SYT14: variants seen among roughly 807,000 people sequenced by gnomAD.
SYT14 encodes the protein synaptotagmin 14.
A neutral mutation model predicts 74.2 loss-of-function variants in SYT14; 32 were observed. The observed-to-expected ratio is 0.43, with a 90% CI of 0.33 to 0.58. The LOEUF is 0.58. SYT14 is among the 20% of genes least tolerant of loss of function. SYT14 has a pLI of 0.05. For missense variants in SYT14, 791 were observed against 981.8 expected, an observed-to-expected ratio of 0.81 and a Z score of 2.60; for synonymous variants, 298 against 337.7, an observed-to-expected ratio of 0.88 and a Z score of 1.29.
chr1:209,945,247 A>G (rs1223156875), intron 1 of SYT14, among the ~76,000 whole-genome samples: 1 of 152,180 alleles, frequency 6.6e-6, no homozygotes, highest in Non-Finnish European at 1.5e-5. Flanking sequence ...TACTTACTCC[A>G]AAGGTTAAGT....
intron 4 of SYT14, among the ~76,000 whole-genome samples, chr1:210,018,449 G>A (rs561726967): frequency 6.6e-6 from 1 of 151,958 alleles, no homozygotes; most frequent in Non-Finnish European, 1.5e-5. Context: ...GCAGTTTTTT[G>A]ATTGTCAGAT....
At chr1:210,030,174 C>A (rs1398411833) in intron 5 of SYT14, among the ~76,000 whole-genome samples, 1 of 151,592 alleles carries the variant, frequency 6.6e-6, no homozygotes, top group Non-Finnish European at 1.5e-5. Flanking sequence ...TGGAGTCTCG[C>A]TCTATTGCCC....
chr1:209,961,093 C>T (rs1056780645), intron 2 of SYT14, among the ~76,000 whole-genome samples: 2 of 152,192 alleles, frequency 1.3e-5, no homozygotes, highest in Non-Finnish European at 2.9e-5. Context: ...TCTACACCCT[C>T]GGATTCTCCC....
chr1:209,976,161 G>T (rs2079359603), intron 2 of SYT14, among the ~76,000 whole-genome samples: 1 of 152,064 alleles, frequency 6.6e-6, no homozygotes. Flanking sequence ...CCAGCTCCTG[G>T]ATTCATTGAT....
chr1:210,158,647 C>T (rs1247736152), intron 8 of SYT14, among the ~76,000 whole-genome samples: 2 of 152,022 alleles, frequency 1.3e-5, no homozygotes, highest in African/African-American at 2.4e-5. Context: ...AACACAGAGT[C>T]GATGTTTCAG....
chr1:210,074,204 G>A (rs1401437040), intron 5 of SYT14, among the ~76,000 whole-genome samples: 1 of 152,088 alleles, frequency 6.6e-6, no homozygotes, highest in African/African-American at 2.4e-5. Context: ...TAAATTTACC[G>A]ACACTATGAA....
At chr1:210,037,396 C>T (rs1464782071) in intron 5 of SYT14, among the ~76,000 whole-genome samples, 1 of 151,682 alleles carries the variant, frequency 6.6e-6, no homozygotes, top group African/African-American at 2.4e-5. Context: ...TTGCATGATC[C>T]TTTGTAATTT....
intron 5 of SYT14, among the ~76,000 whole-genome samples, chr1:210,067,597 A>G (rs1000518774): frequency 2.7e-5 from 4 of 149,586 alleles, no homozygotes; most frequent in African/African-American, 1.0e-4. Flanking sequence ...CTCTCTCTAT[A>G]TATCACCATA....
chr1:209,981,970 A>G (rs2079495179), intron 2 of SYT14, among the ~76,000 whole-genome samples: 1 of 150,878 alleles, frequency 6.6e-6, no homozygotes, highest in African/African-American at 2.4e-5. Context: ...TTTCTATAGT[A>G]TCTTGTAGGT....
chr1:210,080,469 A>G (rs1297758224), intron 5 of SYT14, among the ~76,000 whole-genome samples: 1 of 152,128 alleles, frequency 6.6e-6, no homozygotes, highest in Non-Finnish European at 1.5e-5. Context: ...CGTACTCTTT[A>G]TTTTCTTAAT....
At chr1:209,941,805 G>T (rs1035948104) in intron 1 of SYT14, among the ~76,000 whole-genome samples, 2 of 152,152 alleles carry the variant, frequency 1.3e-5, no homozygotes, top group Non-Finnish European at 2.9e-5. Flanking sequence ...TGGTAACCGT[G>T]GGGGAGATTG....
intron 5 of SYT14, among the ~76,000 whole-genome samples, chr1:210,049,127 G>C (rs1243074680): frequency 6.6e-6 from 1 of 152,198 alleles, no homozygotes; most frequent in Non-Finnish European, 1.5e-5. Context: ...GAGTGTCTGC[G>C]GCTTTTCCAG....
intron 5 of SYT14, among the ~76,000 whole-genome samples, chr1:210,062,550 T>C (rs2081225330): frequency 6.6e-6 from 1 of 151,860 alleles, no homozygotes; most frequent in Non-Finnish European, 1.5e-5. Flanking sequence ...GCAGGAAGAT[T>C]TGATGCTTGT....
chr1:210,014,305 A>G (rs1163258249), intron 3 of SYT14, among the ~76,000 whole-genome samples: 1 of 152,046 alleles, frequency 6.6e-6, no homozygotes, highest in East Asian at 1.9e-4. Flanking sequence ...ATGATAAAAA[A>G]TAGTGTTCCA....
At chr1:209,938,353 G>A in intron 1 of SYT14, 76 bp downstream of exon 1, 1 of 1,452,536 alleles carries the variant, frequency 6.9e-7, no homozygotes, top group Admixed American at 2.1e-5. Flanking sequence ...GCGCCGGCAG[G>A]CCGAGGCGCT....
In SYT14 at chr1:210,001,632, A is replaced by G. The variant is rs761736432; in HGVS notation, c.-485-12001A>G. On this transcript the variant is annotated intron_variant, in intron 2 of 9. Transcript: ENST00000637265. Reference sequence around the variant, plus strand: ...AGTAATAAATTATTTGGTATTTTAGAAGATAAGAGATACAAAAAATAAGCC... The same window carrying G: ...AGTAATAAATTATTTGGTATTTTAGGAGATAAGAGATACAAAAAATAAGCC... Among the ~76,000 whole-genome samples, 82 of 149,894 alleles carry G rather than the reference A, an allele frequency of 5.5e-4. 1 individual carries two copies. Among genetic ancestry groups the G allele is most frequent in the Middle Eastern group, 3.4e-3 (1 of 294 alleles).
chr1:209,967,866 T>C lies in SYT14; in HGVS notation c.-486+15110T>C, dbSNP rs1263423591. ...GCTAACTTAGGGTTTTATTAGCTCT[T>C]CTTTTTCTGGTTTAAGATGTTTTTC... On this transcript the variant is annotated intron_variant, in intron 2 of 9. Transcript: ENST00000637265. 2.6e-5 allele frequency among the ~76,000 whole-genome samples: 4 copies of C among 152,148 alleles called. No homozygotes were observed. In the East Asian group the frequency reaches 7.7e-4, roughly 29 times the overall value.
chr1:210,161,033 A>G (rs777199075), exon 10 of SYT14: 16 of 1,613,586 alleles, frequency 9.9e-6, no homozygotes, highest in Admixed American at 1.7e-5. Context: ...ATGCGTTGCT[A>G]GAGTCATGAT....
chr1:209,955,126 T>C (rs2078973567), intron 2 of SYT14, among the ~76,000 whole-genome samples: 1 of 152,246 alleles, frequency 6.6e-6, no homozygotes, highest in East Asian at 1.9e-4. Context: ...TACTTCGTTT[T>C]TCCATCTTTT....
Sources: allele counts gnomAD v4.1 joint callset (sites outside exome capture counted in the v4.1 genomes callset), GRCh38; gene constraint gnomAD v4.1.1; transcripts MANE v1.5; gene names NCBI Gene and HGNC (gene_info 2026-07-23, HGNC 2026-07-21).